The following AFTPH variants were observed in gnomAD, a reference collection of about 807,000 sequenced individuals.
The protein encoded by AFTPH is aftiphilin.
AFTPH carries 7 observed loss-of-function variants against 72.5 expected under a neutral mutation model. The observed-to-expected ratio is 0.10, with a 90% confidence interval of 0.05 to 0.18. The LOEUF is 0.18. Among genes scored for constraint, AFTPH ranks in the 10% least tolerant of loss-of-function variants. The pLI is 1.00. For missense variants in AFTPH, 979 were observed against 1,060.5 expected (o/e 0.92, Z 1.07); for synonymous variants, 337 against 370.1 (o/e 0.91, Z 1.03).
At chr2:64,535,595 G>T (rs1669843615) in intron 1 of AFTPH, among the ~76,000 whole-genome samples, 1 of 151,866 alleles carries the variant, frequency 6.6e-6, no homozygotes, top group Admixed American at 6.5e-5. Context: ...CTGAATGTAT[G>T]AATAAACTGG....
At chr2:64,546,861 C>G (rs534528187) in intron 1 of AFTPH, among the ~76,000 whole-genome samples, 1 of 146,678 alleles carries the variant, frequency 6.8e-6, no homozygotes, top group Non-Finnish European at 1.5e-5. Context: ...AGTGAAACCC[C>G]GTCTCTACTA....
rs72890724 is a variant in AFTPH, at chr2:64,575,313, A to C, written c.2394+2245A>C. Among the ~76,000 whole-genome samples the C allele has an allele frequency of 9.0e-3, 1,367 of 152,210 alleles. 22 individuals carry two copies. The highest frequency in any genetic ancestry group is 0.031 in the African/African-American group (1,290 of 41,544). On this transcript the variant is annotated intron_variant, in intron 6 of 8. Coordinates refer to ENST00000238856, the Ensembl canonical transcript of AFTPH. ...AATTGTATGGTCCTTGCTTGACTCC[A>C]TACCTCTGACTCAGGTTAAAATATT...
chr2:64,591,532 G>C (rs994778636), intron 8 of AFTPH, among the ~76,000 whole-genome samples: 1 of 152,202 alleles, frequency 6.6e-6, no homozygotes, highest in Non-Finnish European at 1.5e-5. Flanking sequence ...TGTTACTAAG[G>C]CTTCAGATTT....
At chr2:64,531,603 C>T (rs1669636579) in intron 1 of AFTPH, among the ~76,000 whole-genome samples, 2 of 152,216 alleles carry the variant, frequency 1.3e-5, no homozygotes, top group South Asian at 4.1e-4. Context: ...TCTTCTAGAA[C>T]TATCTTGTCT....
In AFTPH at chr2:64,572,909, C is replaced by T. The variant is rs780470679; in HGVS notation, c.2272-37C>T. ...TTAACTTAAGTTTATGGGCTGTGCACCCCCATCCCCATTAAAGGCTAATAT... is the reference window on the plus strand; with the variant it reads ...TTAACTTAAGTTTATGGGCTGTGCATCCCCATCCCCATTAAAGGCTAATAT... On this transcript the variant is annotated intron_variant, in intron 5 of 8. Coordinates refer to ENST00000238856, the Ensembl canonical transcript of AFTPH. 3.1e-6 allele frequency: 5 copies of T among 1,612,564 alleles called. No individual in the cohort carries two copies. The Admixed American group carries it at 6.7e-5, about 22-fold the overall frequency.
chr2:64,524,656 G>A, intron 1 of AFTPH, 44 bp downstream of exon 1: 2 of 396,494 alleles, frequency 5.0e-6, no homozygotes, highest in Admixed American at 4.4e-5. Context: ...CGGGGAAAGA[G>A]GGTGCGGGGA....
intron 2 of AFTPH, among the ~76,000 whole-genome samples, chr2:64,565,137 C>CTGGAAATTGATACACTTT (rs1671991275): frequency 6.6e-6 from 1 of 151,908 alleles, no homozygotes; most frequent in Admixed American, 6.5e-5. Flanking sequence ...CTGCACCTGG[C>CTGGAAATTGATACACTTT]TGGAAATTGA....
intron 1 of AFTPH, among the ~76,000 whole-genome samples, chr2:64,541,170 G>A (rs182842529): frequency 6.6e-6 from 1 of 152,186 alleles, no homozygotes; most frequent in African/African-American, 2.4e-5. Context: ...GATAACTCAC[G>A]AGTTCTCTTC....
At chr2:64,556,494 T>C (rs1022096709) in intron 2 of AFTPH, among the ~76,000 whole-genome samples, 2 of 152,230 alleles carry the variant, frequency 1.3e-5, no homozygotes, top group African/African-American at 4.8e-5. Flanking sequence ...ATTTGTTTGA[T>C]TAAACAAGCA....
intron 5 of AFTPH, among the ~76,000 whole-genome samples, chr2:64,570,200 G>A (rs10496120): frequency 0.35 from 52,750 of 151,854 alleles, 9,284 homozygotes; most frequent in South Asian, 0.39. Flanking sequence ...AGGTAGTCCC[G>A]GAAAACTGAG....
chr2:64,539,573 G>C (rs1257591748), intron 1 of AFTPH, among the ~76,000 whole-genome samples: 1 of 152,148 alleles, frequency 6.6e-6, no homozygotes, highest in African/African-American at 2.4e-5. Context: ...CAGAGGTGTG[G>C]TTATAGAAAT....
At chr2:64,553,362 G>A (rs752089239) in exon 2 of AFTPH, 1 of 1,604,934 alleles carries the variant, frequency 6.2e-7, no homozygotes, top group Non-Finnish European at 8.5e-7. Context: ...AACTTCCAAA[G>A]GAGCAGTTGC....
At chr2:64,546,280 A>G in intron 1 of AFTPH, among the ~76,000 whole-genome samples, 1 of 152,228 alleles carries the variant, frequency 6.6e-6, no homozygotes, top group South Asian at 2.1e-4. Flanking sequence ...TAAATTTTAT[A>G]TTATGTCTAT....
intron 6 of AFTPH, among the ~76,000 whole-genome samples, chr2:64,573,783 G>A (rs1388770873): frequency 2.0e-5 from 3 of 151,992 alleles, no homozygotes; most frequent in Non-Finnish European, 2.9e-5. Context: ...TCAGCCTCCC[G>A]AGTAGCTGGG....
chr2:64,591,946 C>T (rs1673852931), exon 9 of AFTPH: 1 of 1,614,006 alleles, frequency 6.2e-7, no homozygotes, highest in African/African-American at 1.3e-5. Context: ...CGCTGGCCTT[C>T]CTGACTTAAC....
intron 2 of AFTPH, among the ~76,000 whole-genome samples, chr2:64,562,545 C>T (rs1671805605): frequency 6.6e-6 from 1 of 152,128 alleles, no homozygotes; most frequent in Non-Finnish European, 1.5e-5. Context: ...GGAACTCAGC[C>T]TCTCCACTTA....
chr2:64,540,597 T>C (rs1282587531), intron 1 of AFTPH, among the ~76,000 whole-genome samples: 1 of 152,156 alleles, frequency 6.6e-6, no homozygotes, highest in Non-Finnish European at 1.5e-5. Flanking sequence ...TTTAACAAGG[T>C]AAGTAGCACT....
intron 1 of AFTPH, among the ~76,000 whole-genome samples, chr2:64,545,162 G>C (rs889376784): frequency 7.2e-5 from 11 of 151,900 alleles, no homozygotes; most frequent in Non-Finnish European, 1.5e-4. Context: ...CACAGATTAG[G>C]CTAGGAAAAA....
At chr2:64,588,396 G>C (rs551161894) in intron 8 of AFTPH, among the ~76,000 whole-genome samples, 3 of 152,326 alleles carry the variant, frequency 2.0e-5, no homozygotes, top group African/African-American at 4.8e-5. Flanking sequence ...TGTTGCTGCT[G>C]TGAACACTTG....
Sources: allele counts gnomAD v4.1 joint callset (sites outside exome capture counted in the v4.1 genomes callset), GRCh38; gene constraint gnomAD v4.1.1; transcripts MANE v1.5; gene names NCBI Gene and HGNC (gene_info 2026-07-23, HGNC 2026-07-21).